The following BOLL variants were observed in gnomAD, a reference collection of about 807,000 sequenced individuals.
BOLL encodes protein boule-like.
A neutral mutation model predicts 44.4 loss-of-function variants in BOLL; 23 were observed. That is an observed-to-expected ratio of 0.52 (90% CI 0.37 to 0.73). The LOEUF (loss-of-function observed/expected upper bound fraction) is 0.73, where lower values mean the gene tolerates loss of function less well. BOLL is among the 30% of genes least tolerant of loss of function. BOLL has a pLI of 0.00. For missense variants in BOLL, 287 were observed against 338.3 expected (o/e 0.85, Z 1.19); for synonymous variants, 97 against 110.8 (o/e 0.88, Z 0.78).
In BOLL at chr2:197,785,145, G is replaced by A. The variant is rs1382508176; in HGVS notation, c.-105C>T. The A allele has an allele frequency of 1.0e-6, 1 of 985,874 alleles. No individual in the cohort carries two copies. The highest frequency in any genetic ancestry group is 1.1e-4 in the East Asian group (1 of 8,948). The allele number at this position is 985,874 out of a possible 1,614,324, so 61.1% of individuals were successfully genotyped here. ...ATGGCCGCGGCGACAACTTCCTCGA[G>A]TTCTCTCGGGTCATCGTGAACTTGG... is the stretch of plus-strand genomic sequence containing the variant. On this transcript the variant is annotated 5_prime_UTR_variant, in exon 1 of 11. Transcript: ENST00000392296. The surrounding 1 kb of genome is among the most constrained non-coding windows in gnomAD (Gnocchi z 6.7).
At chr2:197,761,636 C>T (rs901327590) in intron 7 of BOLL, among the ~76,000 whole-genome samples, 1 of 152,026 alleles carries the variant, frequency 6.6e-6, no homozygotes, top group Non-Finnish European at 1.5e-5. Context: ...GGGTTAAATT[C>T]TCCATTTAAA....
chr2:197,730,224 T>A (rs1324883660), intron 10 of BOLL, among the ~76,000 whole-genome samples: 1 of 132,198 alleles, frequency 7.6e-6, no homozygotes, highest in African/African-American at 3.0e-5. Flanking sequence ...CGATGGAAGA[T>A]GAAATGAATG....
intron 10 of BOLL, among the ~76,000 whole-genome samples, chr2:197,740,813 T>C (rs1687694638): frequency 6.6e-6 from 1 of 152,148 alleles, no homozygotes; most frequent in Admixed American, 6.6e-5. Flanking sequence ...TTGAAAACAA[T>C]GGTGATGGTT....
intron 5 of BOLL, among the ~76,000 whole-genome samples, chr2:197,772,675 C>A (rs1689322415): frequency 2.0e-5 from 3 of 151,770 alleles, no homozygotes; most frequent in Admixed American, 1.3e-4. Context: ...GTTATATAAA[C>A]CCCCACCACA....
chr2:197,744,100 C>T (rs760073724), intron 9 of BOLL, among the ~76,000 whole-genome samples: 6 of 152,210 alleles, frequency 3.9e-5, no homozygotes, highest in East Asian at 1.9e-4. Flanking sequence ...TGAGCCATTG[C>T]GCCCAGCTAC....
chr2:197,729,473 G>A (rs1238558179), intron 10 of BOLL, among the ~76,000 whole-genome samples: 6 of 152,168 alleles, frequency 3.9e-5, no homozygotes, highest in Non-Finnish European at 5.9e-5. Context: ...ACAGCTCAAG[G>A]AGGCCTGCCT....
At chr2:197,729,329 CG>C (rs1687022792) in intron 10 of BOLL, among the ~76,000 whole-genome samples, 1 of 152,162 alleles carries the variant, frequency 6.6e-6, no homozygotes, top group South Asian at 2.1e-4. Flanking sequence ...CACGGAGTCT[CG>C]CTGATTGCTA....
chr2:197,742,878 T>G (rs1052609858), intron 10 of BOLL, among the ~76,000 whole-genome samples, 183 bp downstream of exon 10: 8 of 152,206 alleles, frequency 5.3e-5, no homozygotes, highest in Admixed American at 4.6e-4. Context: ...ATTACCACAA[T>G]AAATAAAAAA....
At chr2:197,783,585 T>A (rs967678352) in intron 1 of BOLL, among the ~76,000 whole-genome samples, 2 of 152,216 alleles carry the variant, frequency 1.3e-5, no homozygotes, top group African/African-American at 4.8e-5. Context: ...ATGTAAATAC[T>A]TCTTTTAAAA....
At chr2:197,741,411 A>C (rs1465617421) in intron 10 of BOLL, among the ~76,000 whole-genome samples, 1 of 152,274 alleles carries the variant, frequency 6.6e-6, no homozygotes, top group East Asian at 1.9e-4. Context: ...TAGATATACA[A>C]TACTACAAGG....
Position 197,781,747 on chromosome 2 carries a change from A to G in BOLL, c.104T>C (p.Ile35Thr). Residue 35 changes from isoleucine to threonine, a missense_variant, in exon 2 of 11, where the codon ATC (isoleucine) becomes ACC (threonine). Transcript: ENST00000392296. ...PRYGTVIPNR[I>T]FVGGIDFKTN... The stretch of plus-strand genomic sequence containing the variant: ...CTTAAAATCAATTCCTCCTACAAAG[A>G]TGCGATTAGGGATCACTGTTCCATA... 6.4e-7 allele frequency: 1 copy of G among 1,568,434 alleles called. No individual in the cohort carries two copies. The highest frequency in any genetic ancestry group is 8.7e-7 in the Non-Finnish European group (1 of 1,150,470).
At chr2:197,728,943 G>T (rs760783290) in intron 10 of BOLL, among the ~76,000 whole-genome samples, 1 of 152,152 alleles carries the variant, frequency 6.6e-6, no homozygotes, top group Non-Finnish European at 1.5e-5. Context: ...TTGGCAGGAG[G>T]CTATTTAGAA....
rs1489519342 is a variant in BOLL at position 197,728,554 on chromosome 2, C to T, written c.*1G>A. On this transcript the variant is annotated 3_prime_UTR_variant, in exon 11 of 11. Transcript: ENST00000392296. ...AGCTGGAATAGAGCTGCCCAATTGT[C>T]TTAATAATGAATGCTCCACACTGTC... The T allele has an allele frequency of 1.1e-5, 17 of 1,612,988 alleles. No homozygotes were observed. The highest frequency in any genetic ancestry group is 8.5e-7 in the Non-Finnish European group (1 of 1,179,164).
At chr2:197,751,006 C>T (rs1688217919) in intron 9 of BOLL, among the ~76,000 whole-genome samples, 1 of 152,164 alleles carries the variant, frequency 6.6e-6, no homozygotes. Context: ...CTCAAAACCA[C>T]ACAACTACAT....
Position 197,779,049 on chromosome 2 carries a change from T to C in BOLL, c.147A>G (p.Leu49=). ...ACCCATACTGGGAAAAAAATTTTCT[T>C]AAATCACTTTCGTTTGTCTAATGGC... ...GIDFKTNESD[L]RKFFSQYGSV... The change falls in exon 3 of 11, where the codon TTA becomes TTG. Residue 49 remains leucine, a synonymous_variant. Transcript: ENST00000392296. The C allele has an allele frequency of 6.2e-7, 1 of 1,610,182 alleles. No individual in the cohort carries two copies. Among genetic ancestry groups the C allele is most frequent in the Non-Finnish European group, 8.5e-7 (1 of 1,177,726 alleles).
chr2:197,746,776 T>C (rs1436602104), intron 9 of BOLL, among the ~76,000 whole-genome samples: 2 of 151,820 alleles, frequency 1.3e-5, no homozygotes, highest in Non-Finnish European at 2.9e-5. Context: ...GGTGTGCGCC[T>C]GTAGTCCCAG....
intron 10 of BOLL, among the ~76,000 whole-genome samples, chr2:197,728,926 A>C (rs965761952): frequency 6.6e-6 from 1 of 152,216 alleles, no homozygotes; most frequent in South Asian, 2.1e-4. Context: ...AAAGGGGAAT[A>C]GTATTTTTGG....
At chr2:197,736,743 T>A (rs56181804) in intron 10 of BOLL, among the ~76,000 whole-genome samples, 2 of 152,144 alleles carry the variant, frequency 1.3e-5, no homozygotes, top group Admixed American at 1.3e-4. Context: ...GAATCCTTTT[T>A]TGATTTGTAA....
intron 9 of BOLL, among the ~76,000 whole-genome samples, chr2:197,749,965 A>C (rs1437198613): frequency 1.3e-5 from 2 of 152,174 alleles, no homozygotes; most frequent in Non-Finnish European, 2.9e-5. Context: ...GAAACCTTAC[A>C]AGCCAGAAGA....
Sources: gnomAD v4.1 joint callset for allele counts (sites outside exome capture counted in the v4.1 genomes callset) on GRCh38, gnomAD v4.1.1 for gene constraint, Gnocchi (gnomAD v3.1) non-coding constraint, MANE v1.5 for transcripts, NCBI Gene and HGNC (gene_info 2026-07-23, HGNC 2026-07-21) for gene names.